Variants in RBFOX1 observed in about 807,000 individuals in gnomAD.
RBFOX1 encodes the protein RNA binding protein fox-1 homolog 1.
RBFOX1 carries 8 observed loss-of-function variants against 57.7 expected under a neutral mutation model. That is an observed-to-expected ratio of 0.14 (90% CI 0.08 to 0.25). The LOEUF is 0.25. RBFOX1 is among the 10% of genes least tolerant of loss of function. RBFOX1 has a pLI of 1.00. For synonymous variants in RBFOX1, 326 were observed against 222.4 expected, an observed-to-expected ratio of 1.47 and a Z score of -4.15; for missense variants, 611 against 548.5, an observed-to-expected ratio of 1.11 and a Z score of -1.14.
At chr16:6,968,580 A>C (rs2084811473) in intron 3 of RBFOX1, among the ~76,000 whole-genome samples, 1 of 152,054 alleles carries the variant, frequency 6.6e-6, no homozygotes, top group African/African-American at 2.4e-5. Flanking sequence ...GAATGATGTG[A>C]AGGTGTAGAT....
chr16:6,965,314 G>C (rs2083884268), intron 3 of RBFOX1, among the ~76,000 whole-genome samples: 1 of 133,400 alleles, frequency 7.5e-6, no homozygotes, highest in South Asian at 2.5e-4. Context: ...TTTTTCTTTT[G>C]TTGTGTGTGT....
intron 4 of RBFOX1, among the ~76,000 whole-genome samples, chr16:7,311,605 C>T (rs938116172): frequency 6.6e-6 from 1 of 151,248 alleles, no homozygotes; most frequent in Non-Finnish European, 1.5e-5. Flanking sequence ...TCCTCTTGCT[C>T]TGCCTGAAGC....
chr16:6,672,475 GAA>G (rs1309174855), intron 3 of RBFOX1, among the ~76,000 whole-genome samples: 1 of 138,750 alleles, frequency 7.2e-6, no homozygotes, highest in Admixed American at 7.4e-5. Flanking sequence ...AAGAAGGAAA[GAA>G]AAAAGAAAAA....
At chr16:6,017,827 C>G (rs1235544942), upstream of RBFOX1, among the ~76,000 whole-genome samples, 1 of 152,150 alleles carries the variant, frequency 6.6e-6, no homozygotes, top group Non-Finnish European at 1.5e-5. Flanking sequence ...ACATCTAGTA[C>G]AAAGGAATGC....
chr16:7,329,134 C>G (rs1454973254), intron 4 of RBFOX1, among the ~76,000 whole-genome samples: 1 of 152,184 alleles, frequency 6.6e-6, no homozygotes, highest in Non-Finnish European at 1.5e-5. Flanking sequence ...ATTGTAAGTT[C>G]TGCAACACCT....
intron 1 of RBFOX1, among the ~76,000 whole-genome samples, chr16:6,226,374 C>CAAA (rs368116983): frequency 0.55 from 47,598 of 86,118 alleles, 15,307 homozygotes; most frequent in Admixed American, 0.66. Context: ...ACTCTGTCTC[C>CAAA]AAAAAAAAAA....
chr16:6,682,253 CAGAT>C (rs2058758640), intron 3 of RBFOX1, among the ~76,000 whole-genome samples: 1 of 152,156 alleles, frequency 6.6e-6, no homozygotes, highest in African/African-American at 2.4e-5. Context: ...CTCCCACTCT[CAGAT>C]AGGAAGCACA....
At chr16:5,821,769 G>T (rs1055566134) in intron 3 of RBFOX1, among the ~76,000 whole-genome samples, 17 of 152,322 alleles carry the variant, frequency 1.1e-4, no homozygotes, top group Middle Eastern at 3.4e-3. Flanking sequence ...AGCAGGTTCA[G>T]TGTTTAGTGA....
chr16:7,060,156 A>C (rs1312940452), intron 4 of RBFOX1, among the ~76,000 whole-genome samples: 1 of 152,172 alleles, frequency 6.6e-6, no homozygotes, highest in Non-Finnish European at 1.5e-5. Context: ...CTATTTTAGG[A>C]CCTGAAGGCC....
At chr16:7,698,392 GCAAATGAA>G (rs993578301) in intron 14 of RBFOX1, among the ~76,000 whole-genome samples, 1 of 152,000 alleles carries the variant, frequency 6.6e-6, no homozygotes, top group Non-Finnish European at 1.5e-5. Flanking sequence ...AAAGCCTTGA[GCAAATGAA>G]CAATCTGCAA....
chr16:6,169,489 C>G (rs2096942417), intron 1 of RBFOX1, among the ~76,000 whole-genome samples: 1 of 151,970 alleles, frequency 6.6e-6, no homozygotes, highest in South Asian at 2.1e-4. Context: ...GTTAATTGAA[C>G]AATGAACGAT....
chr16:7,018,635 T>A (rs778952101), intron 3 of RBFOX1, among the ~76,000 whole-genome samples: 10 of 152,104 alleles, frequency 6.6e-5, no homozygotes, highest in Non-Finnish European at 1.2e-4. Flanking sequence ...TAGTTCTAGA[T>A]CCTTGAGGAA....
chr16:7,120,189 G>A (rs1466149261), intron 4 of RBFOX1, among the ~76,000 whole-genome samples: 2 of 152,058 alleles, frequency 1.3e-5, no homozygotes, highest in Non-Finnish European at 2.9e-5. Context: ...CGAAAGCAGT[G>A]CTTAGAGGGA....
intron 1 of RBFOX1, among the ~76,000 whole-genome samples, chr16:6,130,273 G>C (rs979485056): frequency 2.6e-5 from 4 of 151,996 alleles, no homozygotes; most frequent in African/African-American, 9.7e-5. Context: ...TGCTGAGTAG[G>C]AAATACAGTT....
At chr16:6,266,922 T>TC (rs2074584191) in intron 1 of RBFOX1, among the ~76,000 whole-genome samples, 1 of 152,152 alleles carries the variant, frequency 6.6e-6, no homozygotes, top group Non-Finnish European at 1.5e-5. Flanking sequence ...AATTCCATAC[T>TC]CTTAGCAGAG....
At chr16:6,478,406 TATATATATATATATA>T (rs2095310045) in intron 2 of RBFOX1, among the ~76,000 whole-genome samples, 4 of 18,882 alleles carry the variant, frequency 2.1e-4, no homozygotes, top group Admixed American at 6.8e-4. Flanking sequence ...TATATATATA[TATATATATATATATA>T]TATATATATT....
At chr16:5,530,552 C>T (rs1029496645) in intron 2 of RBFOX1, among the ~76,000 whole-genome samples, 3 of 151,722 alleles carry the variant, frequency 2.0e-5, no homozygotes, top group Admixed American at 6.6e-5. Context: ...GGCAGCGTTT[C>T]TTAACATCTA....
At chr16:6,620,560 T>A (rs1348692045) in intron 2 of RBFOX1, among the ~76,000 whole-genome samples, 1 of 151,064 alleles carries the variant, frequency 6.6e-6, no homozygotes, top group Non-Finnish European at 1.5e-5. Flanking sequence ...CCGGGAGCTA[T>A]TTTTTTTTAA....
At chr16:5,828,127 A>G (rs1038235532) in intron 3 of RBFOX1, among the ~76,000 whole-genome samples, 4 of 151,570 alleles carry the variant, frequency 2.6e-5, no homozygotes, top group Non-Finnish European at 4.4e-5. Context: ...TCAGCCACCT[A>G]TCCACCCATC....
Sources: gnomAD v4.1 joint callset for allele counts (sites outside exome capture counted in the v4.1 genomes callset) on GRCh38, gnomAD v4.1.1 for gene constraint, MANE v1.5 for transcripts, NCBI Gene and HGNC (gene_info 2026-07-23, HGNC 2026-07-21) for gene names.